Variants in SMC6 observed in about 807,000 individuals in gnomAD.
The protein encoded by SMC6 is structural maintenance of chromosomes 6, also known as structural maintenance of chromosomes protein 6.
In SMC6, 79 loss-of-function variants were observed where a neutral mutation model predicts 142.2. The observed-to-expected ratio is 0.56, with a 90% CI of 0.46 to 0.67. The LOEUF (loss-of-function observed/expected upper bound fraction) is 0.67. Among genes scored for constraint, SMC6 ranks in the 30% least tolerant of loss-of-function variants. The pLI is 0.00. For synonymous variants in SMC6, 411 were observed against 412.4 expected (o/e 1.00, Z 0.04); for missense variants, 1,072 against 1,284.0 (o/e 0.83, Z 2.52).
Position 17,741,310 on chromosome 2 carries a change from G to A in SMC6, c.238+302C>T, listed in dbSNP as rs549820580. Among the ~76,000 whole-genome samples, 9 of 152,320 alleles carry A rather than the reference G, an allele frequency of 5.9e-5. No homozygotes were observed. The South Asian group carries it at 1.9e-3, about 32-fold the overall frequency. ...AATGTTTAGTAAGGCAAGACACAAG[G>A]CTGCCTCAATTGCAATGAGGATCGC... is the stretch of plus-strand genomic sequence containing the variant. On this transcript the variant is annotated intron_variant, in intron 4 of 27. Transcript: ENST00000448223.
At chr2:17,686,781 T>C (rs532226540) in intron 23 of SMC6, among the ~76,000 whole-genome samples, 9 of 152,334 alleles carry the variant, frequency 5.9e-5, no homozygotes, top group African/African-American at 1.9e-4. Context: ...CGATTGCTTA[T>C]ATAAATTCAG....
Position 17,720,930 on chromosome 2 carries a change from C to T in SMC6, c.945+10G>A. 1 of 1,608,368 alleles carries T rather than the reference C, an allele frequency of 6.2e-7. No homozygotes were observed. The highest frequency in any genetic ancestry group is 8.5e-7 in the Non-Finnish European group (1 of 1,176,204). On this transcript the variant is annotated intron_variant, in intron 11 of 27. Coordinates refer to ENST00000448223, the MANE Select transcript of SMC6 (RefSeq NM_001142286.2). Reference sequence around the variant, plus strand: ...AACCTATTAAATCTGCATTTAAAAACTGTAATTACCTGCTGTTCTTCCATT... The same window carrying T: ...AACCTATTAAATCTGCATTTAAAAATTGTAATTACCTGCTGTTCTTCCATT...
chr2:17,730,338 T>C (rs140576786), intron 7 of SMC6, among the ~76,000 whole-genome samples: 286 of 151,814 alleles, frequency 1.9e-3, no homozygotes, highest in African/African-American at 6.7e-3. Context: ...AAATGCTTTA[T>C]CTTTCTAGAA....
chr2:17,736,965 T>C (rs78974697), intron 5 of SMC6, among the ~76,000 whole-genome samples: 2,436 of 152,288 alleles, frequency 0.016, 31 homozygotes, highest in Non-Finnish European at 0.025. Flanking sequence ...GAGTTGATAC[T>C]ATTAACTTAA....
At position 17,694,232 on chromosome 2, in the gene SMC6, G is replaced by C. The variant is rs1667885147; in HGVS notation, c.2678+920C>G. Among the ~76,000 whole-genome samples, 3 of 152,204 alleles carry C rather than the reference G, an allele frequency of 2.0e-5. No individual in the cohort carries two copies. In the South Asian group the frequency reaches 6.2e-4, roughly 32 times the overall value. ...TGGGATGGGAGGGGTAATTAAAAGA[G>C]ATTGGTTAATGGGTACAACCACGCA... On this transcript the variant is annotated intron_variant, in intron 23 of 27. Transcript: ENST00000448223.
chr2:17,670,791 C>A (rs2162334), intron 25 of SMC6, among the ~76,000 whole-genome samples: 3,769 of 152,256 alleles, frequency 0.025, 177 homozygotes, highest in African/African-American at 0.085. Flanking sequence ...GAGAATAAAA[C>A]TGAAAACCTT....
chr2:17,669,660 A>C (rs1324851383), intron 26 of SMC6, among the ~76,000 whole-genome samples: 1 of 152,220 alleles, frequency 6.6e-6, no homozygotes, highest in Non-Finnish European at 1.5e-5. Context: ...ATAAGGTAAG[A>C]TTAAAGCTCA....
At chr2:17,731,551 G>T (rs1224062085) in intron 6 of SMC6, among the ~76,000 whole-genome samples, 190 bp downstream of exon 6, 1 of 152,048 alleles carries the variant, frequency 6.6e-6, no homozygotes, top group South Asian at 2.1e-4. Context: ...TCATGCTTTT[G>T]GTGCTATAAT....
chr2:17,701,917 A>T lies in SMC6; in HGVS notation c.2143-8T>A. 4 of 1,464,128 alleles carry T rather than the reference A, an allele frequency of 2.7e-6. No individual in the cohort carries two copies. 90.7% of individuals were successfully genotyped at this position (1,464,128 alleles called of 1,614,324 possible). A position where few individuals can be genotyped will look rare whatever the true frequency, so the allele number is the denominator to read the frequency against. On this transcript the variant is annotated splice_polypyrimidine_tract_variant and splice_region_variant and intron_variant, in intron 19 of 27. Coordinates refer to ENST00000448223, the MANE Select transcript of SMC6 (RefSeq NM_001142286.2). Reference sequence around the variant, plus strand: ...ATTTTTTCTTATTTTCATCTAAAAGAAAAGTATTTGGATTTTAGTAACATA... The same window carrying T: ...ATTTTTTCTTATTTTCATCTAAAAGTAAAGTATTTGGATTTTAGTAACATA...
At position 17,741,598 on chromosome 2, in the gene SMC6, G is replaced by C. The variant is rs2278174; in HGVS notation, c.238+14C>G. ...TACTGCTCAAAGTCAAACGAGAAGG[G>C]AAAAAACACTTACTTCCATTGTTGC... On this transcript the variant is annotated intron_variant, in intron 4 of 27. Transcript: ENST00000448223. 1,994 of 1,557,588 alleles carry C rather than the reference G, an allele frequency of 1.3e-3. 40 individuals are homozygous for C. The East Asian group carries it at 0.039, about 30-fold the overall frequency.
chr2:17,700,178 CA>C, intron 21 of SMC6, 29 bp downstream of exon 21: 1 of 1,462,800 alleles, frequency 6.8e-7, no homozygotes, highest in Non-Finnish European at 9.2e-7. Flanking sequence ...ACATAAAATA[CA>C]TACGTAACAC....
chr2:17,666,923 A>T (rs1666523355), intron 26 of SMC6, among the ~76,000 whole-genome samples: 1 of 152,184 alleles, frequency 6.6e-6, no homozygotes, highest in Non-Finnish European at 1.5e-5. Flanking sequence ...TCAAGGGTAT[A>T]GTAAGCTATG....
At chr2:17,698,223 C>T (rs1393986689) in intron 21 of SMC6, among the ~76,000 whole-genome samples, 4 of 151,974 alleles carry the variant, frequency 2.6e-5, no homozygotes, top group Non-Finnish European at 5.9e-5. Flanking sequence ...GGTTACACAA[C>T]TCTGAATACA....
rs1429623431 is a variant in SMC6, at chr2:17,670,419, A to G, written c.3063+4T>C. ...GAAAAAGAGAATTTAAAATTTAACA[A>G]TACCATGTAGACATCAAATTCATCC... On this transcript the variant is annotated splice_donor_region_variant and intron_variant, in intron 26 of 27. Coordinates refer to ENST00000448223, the MANE Select transcript of SMC6 (RefSeq NM_001142286.2). 3 of 1,606,472 alleles carry G rather than the reference A, an allele frequency of 1.9e-6. No homozygotes were observed. The highest frequency in any genetic ancestry group is 2.5e-6 in the Non-Finnish European group (3 of 1,177,632).
rs775393384 is a variant in SMC6, at chr2:17,665,525, G to C, written c.3250C>G (p.Gln1084Glu). The change falls in exon 28 of 28, where the codon CAA becomes GAA. Residue 1084 changes from glutamine to glutamate, a missense_variant. Transcript: ENST00000448223. ...CACCTTTGGTCATCATCTTCTTCTTGAGTCACAGGTCTGAAAGGCAATGTA... is the reference window on the plus strand; with the variant it reads ...CACCTTTGGTCATCATCTTCTTCTTCAGTCACAGGTCTGAAAGGCAATGTA... Reference protein sequence around the residue: ...QTTLPFRPVTQEEDDDQR With the variant: ...QTTLPFRPVTEEEDDDQR The C allele has an allele frequency of 6.2e-7, 1 of 1,608,884 alleles. No individual in the cohort carries two copies. Among genetic ancestry groups the C allele is most frequent in the Non-Finnish European group, 8.5e-7 (1 of 1,177,194 alleles).
chr2:17,739,719 G>A (rs1269067030), intron 4 of SMC6, among the ~76,000 whole-genome samples: 2 of 151,972 alleles, frequency 1.3e-5, no homozygotes, highest in East Asian at 1.9e-4. Context: ...AAGCTGAGGC[G>A]AGAGGATAGC....
intron 2 of SMC6, 69 bp from the exon 3 acceptor site, chr2:17,746,020 T>A: frequency 1.5e-6 from 2 of 1,360,268 alleles, no homozygotes; most frequent in Non-Finnish European, 1.9e-6. Flanking sequence ...ACAAAATAAA[T>A]CTAACAAGGC....
chr2:17,745,820 C>G lies in SMC6; in HGVS notation c.120+7G>C. The G allele has an allele frequency of 6.3e-7, 1 of 1,591,138 alleles. No individual in the cohort carries two copies. The highest frequency in any genetic ancestry group is 8.5e-7 in the Non-Finnish European group (1 of 1,171,936). ...CAAAAAGCATAATTTTGTAATTTTT[C>G]GCTTACCAAAGTAGTACCTTTACAT... On this transcript the variant is annotated splice_region_variant and intron_variant, in intron 3 of 27. Coordinates refer to ENST00000448223, the MANE Select transcript of SMC6 (RefSeq NM_001142286.2).
chr2:17,703,205 G>A lies in SMC6; in HGVS notation c.2094C>T (p.His698=), dbSNP rs1390771830. 1 of 1,567,082 alleles carries A rather than the reference G, an allele frequency of 6.4e-7. No homozygotes were observed. Among genetic ancestry groups the A allele is most frequent in the South Asian group, 1.1e-5 (1 of 88,290 alleles). ...GGCACCTTTTAAGAAGTTCCTCATT[G>A]TGTTTAATATCTTTTTCAAGGGCAG... The part of the protein sequence containing the change: ...HLSALEKDIK[H]NEELLKRCQL... Residue 698 remains histidine (H), a synonymous_variant, in exon 19 of 28, where the codon CAC becomes CAT. Transcript: ENST00000448223.
Sources: allele counts gnomAD v4.1 joint callset (sites outside exome capture counted in the v4.1 genomes callset), GRCh38; gene constraint gnomAD v4.1.1; transcripts MANE v1.5; gene names NCBI Gene and HGNC (gene_info 2026-07-23, HGNC 2026-07-21).